The following DOCK5 variants were observed in gnomAD, a reference collection of about 807,000 sequenced individuals.
DOCK5 encodes dedicator of cytokinesis 5, also known as dedicator of cytokinesis protein 5.
Under a neutral mutation model 251.8 loss-of-function variants are expected in DOCK5, and 142 were observed. The observed-to-expected ratio is 0.56, with a 90% CI of 0.49 to 0.65. The LOEUF is 0.65. DOCK5 is among the 30% of genes least tolerant of loss of function. The probability of loss-of-function intolerance (pLI) is 0.00; values close to 1 mark genes in which losing one functional copy is unlikely to be tolerated. For synonymous variants in DOCK5, 842 were observed against 835.5 expected, an observed-to-expected ratio of 1.01 and a Z score of -0.13; for missense variants, 2,111 against 2,312.3, an observed-to-expected ratio of 0.91 and a Z score of 1.79.
intron 27 of DOCK5, 60 bp downstream of exon 27, chr8:25,351,886 C>T (rs1472981135): frequency 3.7e-5 from 55 of 1,470,538 alleles, no homozygotes; most frequent in South Asian, 7.1e-5. Flanking sequence ...CTTTGCCTAT[C>T]GGGAGGCCTT....
At chr8:25,336,877 G>A (rs758224484) in intron 22 of DOCK5, among the ~76,000 whole-genome samples, 1 of 152,140 alleles carries the variant, frequency 6.6e-6, no homozygotes, top group Non-Finnish European at 1.5e-5. Flanking sequence ...AAGTACCTTT[G>A]CAGGGAACAT....
chr8:25,404,099 A>G (rs1188783248), intron 48 of DOCK5, among the ~76,000 whole-genome samples: 2 of 152,224 alleles, frequency 1.3e-5, no homozygotes, highest in Non-Finnish European at 2.9e-5. Context: ...TTCCCACTAC[A>G]GTAGAAGCCC....
At chr8:25,261,388 A>C (rs1803578147) in intron 2 of DOCK5, among the ~76,000 whole-genome samples, 1 of 152,218 alleles carries the variant, frequency 6.6e-6, no homozygotes, top group African/African-American at 2.4e-5. Flanking sequence ...AGCATGCAGT[A>C]GTAATTAAGA....
chr8:25,345,523 A>C lies in DOCK5; in HGVS notation c.2666A>C (p.Gln889Pro). The C allele has an allele frequency of 6.2e-7, 1 of 1,613,932 alleles. No individual in the cohort carries two copies. Among genetic ancestry groups the C allele is most frequent in the African/African-American group, 1.3e-5 (1 of 75,046 alleles). ...LPLLTDQLSG[Q>P]LDDNSNKPDH... is the part of the protein sequence containing the mutation. Reference sequence around the variant, plus strand: ...CTGCTGACAGACCAGCTCAGCGGCCAGTTAGATGACAACTCCAACAAGCCT... The same window carrying C: ...CTGCTGACAGACCAGCTCAGCGGCCCGTTAGATGACAACTCCAACAAGCCT... Residue 889 changes from glutamine (Q) to proline (P), a missense_variant, in exon 26 of 52, where the codon CAG (glutamine) becomes CCG (proline). Gln to Pro is a moderately conservative substitution (Grantham distance 76). Coordinates refer to ENST00000276440, the MANE Select transcript of DOCK5 (RefSeq NM_024940.8).
intron 1 of DOCK5, among the ~76,000 whole-genome samples, chr8:25,242,584 C>G (rs1444530492): frequency 1.3e-5 from 2 of 152,190 alleles, no homozygotes; most frequent in East Asian, 3.8e-4. Flanking sequence ...TCGAACATCT[C>G]TTCGTGTGCC....
intron 28 of DOCK5, among the ~76,000 whole-genome samples, chr8:25,360,682 G>A (rs1586361512): frequency 6.6e-6 from 1 of 152,272 alleles, no homozygotes; most frequent in South Asian, 2.1e-4. Flanking sequence ...CCAGCTTCGT[G>A]CAGGTAGGCA....
intron 35 of DOCK5, among the ~76,000 whole-genome samples, chr8:25,373,392 C>T (rs1203011882): frequency 6.6e-6 from 1 of 152,172 alleles, no homozygotes; most frequent in Non-Finnish European, 1.5e-5. Context: ...CCCTCACCCT[C>T]CTATAACCTT....
chr8:25,319,719 C>G lies in DOCK5; in HGVS notation c.1542+43C>G, dbSNP rs778621890. On this transcript the variant is annotated intron_variant, in intron 15 of 51. Transcript: ENST00000276440. ...GTAACCCCTGTTATCTGTTAAACCT[C>G]AGTTAGATTCCTATCTTCTGTTTAC... 25 of 1,383,852 alleles carry G rather than the reference C, an allele frequency of 1.8e-5. No individual in the cohort carries two copies. The East Asian group carries it at 5.5e-4, about 30-fold the overall frequency. The allele number at this position is 1,383,852 out of a possible 1,614,324, so 85.7% of individuals were successfully genotyped here. A position where few individuals can be genotyped will look rare whatever the true frequency, so the allele number is the denominator to read the frequency against.
chr8:25,325,693 AG>A (rs1404944903), intron 18 of DOCK5, 146 bp downstream of exon 18: 9 of 954,612 alleles, frequency 9.4e-6, no homozygotes, highest in Non-Finnish European at 1.4e-5. Context: ...CTGCTTTTCA[AG>A]TGGTATTCTG....
rs188483926 is a variant in DOCK5 at position 25,349,604 on chromosome 8, G to A, written c.2755-2127G>A. On this transcript the variant is annotated intron_variant, in intron 26 of 51. Coordinates refer to ENST00000276440, the MANE Select transcript of DOCK5 (RefSeq NM_024940.8). Reference sequence around the variant, plus strand: ...CACTCATAAAAAGGAACAAAATAATGTCTTTTGCAATAACTTAGGTGGAGA... The same window carrying A: ...CACTCATAAAAAGGAACAAAATAATATCTTTTGCAATAACTTAGGTGGAGA... Among the ~76,000 whole-genome samples, 162 of 152,294 alleles carry A rather than the reference G, an allele frequency of 1.1e-3. 1 individual carries two copies. The highest frequency in any genetic ancestry group is 3.8e-3 in the African/African-American group (158 of 41,558).
intron 19 of DOCK5, 121 bp downstream of exon 19, chr8:25,332,469 G>T (rs1343804009): frequency 9.3e-6 from 11 of 1,186,910 alleles, no homozygotes; most frequent in East Asian, 7.7e-5. Flanking sequence ...AATCTACGTT[G>T]TTAAACAAGT....
intron 10 of DOCK5, among the ~76,000 whole-genome samples, chr8:25,303,073 G>A (rs1804810608): frequency 6.6e-6 from 1 of 152,206 alleles, no homozygotes; most frequent in African/African-American, 2.4e-5. Flanking sequence ...TTTATGTTAT[G>A]TGTGTTTTAC....
intron 34 of DOCK5, among the ~76,000 whole-genome samples, chr8:25,372,298 G>A (rs997572432): frequency 6.6e-6 from 1 of 152,212 alleles, no homozygotes; most frequent in African/African-American, 2.4e-5. Context: ...TCTAAGTGAT[G>A]TTGGGACTTG....
Position 25,316,994 on chromosome 8 carries a change from TATC to T in DOCK5, c.1319-10_1319-8del. The T allele has an allele frequency of 2.5e-6, 4 of 1,613,670 alleles. No homozygotes were observed. The highest frequency in any genetic ancestry group is 3.4e-6 in the Non-Finnish European group (4 of 1,179,658). ...CTCTCAGCAACACTCACAGCATGCT[TATC>T]ATGTTGCAGGAGATGTTCGGAATGA... is the stretch of plus-strand genomic sequence containing the variant. On this transcript the variant is annotated splice_polypyrimidine_tract_variant and intron_variant, in intron 13 of 51. Coordinates refer to ENST00000276440, the MANE Select transcript of DOCK5 (RefSeq NM_024940.8).
At chr8:25,345,408 A>G (rs748354537) in intron 25 of DOCK5, 67 bp from the exon 26 acceptor site, 4 of 1,588,506 alleles carry the variant, frequency 2.5e-6, no homozygotes, top group Middle Eastern at 1.7e-4. Context: ...GAAGAGTTGC[A>G]GGAAGGAGAC....
chr8:25,382,198 A>G (rs1237658546), intron 39 of DOCK5, among the ~76,000 whole-genome samples: 1 of 151,930 alleles, frequency 6.6e-6, no homozygotes, highest in Non-Finnish European at 1.5e-5. Flanking sequence ...GCTGGTCTCA[A>G]ACTCCTAGCC....
At chr8:25,390,045 C>A (rs1801229938) in intron 41 of DOCK5, among the ~76,000 whole-genome samples, 161 bp from the exon 42 acceptor site, 4 of 150,590 alleles carry the variant, frequency 2.7e-5, no homozygotes, top group Admixed American at 2.0e-4. Context: ...TCCAGTGATA[C>A]ACAAAGGAAC....
intron 7 of DOCK5, 71 bp from the exon 8 acceptor site, chr8:25,298,873 T>C: frequency 6.9e-7 from 1 of 1,455,326 alleles, no homozygotes; most frequent in Non-Finnish European, 9.2e-7. Context: ...TATTTATTTA[T>C]TTATTTATTT....
At chr8:25,278,534 C>T (rs1247835153) in intron 4 of DOCK5, 35 bp from the exon 5 acceptor site, 1 of 1,602,856 alleles carries the variant, frequency 6.2e-7, no homozygotes, top group African/African-American at 1.3e-5. Context: ...GCTGATCAGC[C>T]TAGAAGAAAG....
Sources: allele counts gnomAD v4.1 joint callset (sites outside exome capture counted in the v4.1 genomes callset), GRCh38; gene constraint gnomAD v4.1.1; transcripts MANE v1.5; gene names NCBI Gene and HGNC (gene_info 2026-07-23, HGNC 2026-07-21).